The following AHNAK variants were observed in gnomAD, a reference collection of about 807,000 sequenced individuals.
The protein encoded by AHNAK is AHNAK nucleoprotein.
Under a neutral mutation model 37.8 loss-of-function variants are expected in AHNAK, and 23 were observed. That is an observed-to-expected ratio of 0.61 (90% CI 0.44 to 0.86). AHNAK has a LOEUF of 0.86. AHNAK is among the 40% of genes least tolerant of loss of function. The pLI is 0.00. For missense variants in AHNAK, 7,411 were observed against 7,319.4 expected, an observed-to-expected ratio of 1.01 and a Z score of -0.46; for synonymous variants, 2,481 against 2,636.3, an observed-to-expected ratio of 0.94 and a Z score of 1.80.
At chr11:62,535,312 G>T (rs1404339225) in intron 3 of AHNAK, 122 bp from the exon 4 acceptor site, 9 of 864,424 alleles carry the variant, frequency 1.0e-5, no homozygotes, top group Admixed American at 2.6e-5. Context: ...GGTGGGCATG[G>T]TAATACCCAT....
chr11:62,520,964 C>G lies in AHNAK; in HGVS notation c.13453G>C (p.Glu4485Gln). The G allele has an allele frequency of 2.5e-6, 4 of 1,614,160 alleles. No homozygotes were observed. The highest frequency in any genetic ancestry group is 3.4e-6 in the Non-Finnish European group (4 of 1,180,034). ...ACCTCTGGCCCTTTCAGATCACTTT[C>G]CACCTTAGGTAGTGAAACATCCACA... ...GDVDVSLPKV[E>Q]SDLKGPEVDI... The change falls in exon 5 of 5, where the codon GAA becomes CAA. Residue 4485 changes from glutamate to glutamine, a missense_variant. Glu to Gln is a conservative substitution (Grantham distance 29). Coordinates refer to ENST00000378024, the MANE Select transcript of AHNAK (RefSeq NM_001620.3).
At chr11:62,489,120 A>T (rs1279617023) in intron 5 of AHNAK, among the ~76,000 whole-genome samples, 1 of 152,050 alleles carries the variant, frequency 6.6e-6, no homozygotes, top group East Asian at 1.9e-4. Context: ...GCATGCCTGT[A>T]ATCCCAATTA....
chr11:62,517,859 C>T lies in AHNAK; in HGVS notation c.16558G>A (p.Gly5520Arg), dbSNP rs1565222871. Residue 5520 changes from glycine to arginine, a missense_variant, in exon 5 of 5, where the codon GGG becomes AGG. By Grantham distance (125) the Gly-to-Arg change is moderately radical (BLOSUM62 -2). Coordinates refer to ENST00000378024, the MANE Select transcript of AHNAK (RefSeq NM_001620.3). ...NVKLPTGQIS[G>R]PEIKGGLKGS... ...TTCAGACCACCTTTGATTTCAGGCC[C>T]AGAAATCTGCCCAGTTGGGAGTTTC... The T allele has an allele frequency of 6.2e-7, 1 of 1,614,172 alleles. No individual in the cohort carries two copies. The highest frequency in any genetic ancestry group is 2.2e-5 in the East Asian group (1 of 44,882).
chr11:62,475,623 T>TTTTTAA, intron 5 of AHNAK, among the ~76,000 whole-genome samples: 1 of 140,438 alleles, frequency 7.1e-6, no homozygotes, highest in Non-Finnish European at 1.6e-5. Context: ...TTTTTTTTTT[T>TTTTTAA]AGACAGAGTC....
chr11:62,530,412 T>C lies in AHNAK; in HGVS notation c.4005A>G (p.Pro1335=), dbSNP rs1940691051. 1 of 1,613,900 alleles carries C rather than the reference T, an allele frequency of 6.2e-7. No individual in the cohort carries two copies. The highest frequency in any genetic ancestry group is 8.5e-7 in the Non-Finnish European group (1 of 1,179,994). Residue 1335 remains proline, a synonymous_variant, in exon 5 of 5, where the codon CCA becomes CCG. Coordinates refer to ENST00000378024, the MANE Select transcript of AHNAK (RefSeq NM_001620.3). ...ACACATCCACATCTCCCTTCAATTT[T>C]GGCCCCTTAAGATTCAGGTCCACAT... ...MPDVDLNLKG[P]KLKGDVDVSL...
chr11:62,459,669 G>A (rs149811985), intron 5 of AHNAK, among the ~76,000 whole-genome samples: 83 of 152,268 alleles, frequency 5.5e-4, no homozygotes, highest in Non-Finnish European at 9.0e-4. Flanking sequence ...GGCCAGATGC[G>A]TAGAATAGTC....
chr11:62,439,915 G>A (rs1032152527), intron 5 of AHNAK, among the ~76,000 whole-genome samples: 12 of 151,824 alleles, frequency 7.9e-5, no homozygotes, highest in Non-Finnish European at 1.2e-4. Flanking sequence ...TGATCCGCCC[G>A]CCTCCGCCTC....
Position 62,498,567 on chromosome 11 carries a change from C to T in AHNAK, c.343-6736G>A, listed in dbSNP as rs150340603. Among the ~76,000 whole-genome samples the T allele has an allele frequency of 5.2e-4, 75 of 144,990 alleles. No individual in the cohort carries two copies. In the East Asian group the frequency reaches 0.012, roughly 23 times the overall value. On this transcript the variant is annotated intron_variant, in intron 4 of 5. Transcript: ENST00000257247. Reference sequence around the variant, plus strand: ...TGAGGCCAGAAGTTTGAGAGCAGCACGTGAGCAACATAGTGAACCCAGACT... The same window carrying T: ...TGAGGCCAGAAGTTTGAGAGCAGCATGTGAGCAACATAGTGAACCCAGACT...
At chr11:62,440,803 G>T (rs1399701503) in intron 5 of AHNAK, among the ~76,000 whole-genome samples, 4 of 152,024 alleles carry the variant, frequency 2.6e-5, no homozygotes, top group African/African-American at 9.7e-5. Flanking sequence ...AATCTCCCAA[G>T]TTATAGTGGG....
Position 62,520,538 on chromosome 11 carries a change from C to T in AHNAK, c.13879G>A (p.Val4627Ile). 1.9e-6 allele frequency: 3 copies of T among 1,614,216 alleles called. No individual in the cohort carries two copies. Among genetic ancestry groups the T allele is most frequent in the Non-Finnish European group, 2.5e-6 (3 of 1,180,052 alleles). ...KVEGDLKGPE[V>I]DIRDPKVDID... ...TCCACTTTGGGGTCCCTGATGTCAA[C>T]TTCGGGGCCCTTGAGGTCGCCTTCC... Residue 4627 changes from valine (V) to isoleucine (I), a missense_variant, in exon 5 of 5, where the codon GTT becomes ATT. Coordinates refer to ENST00000378024, the MANE Select transcript of AHNAK (RefSeq NM_001620.3).
At chr11:62,456,652 G>C (rs1342895012) in intron 5 of AHNAK, among the ~76,000 whole-genome samples, 1 of 152,156 alleles carries the variant, frequency 6.6e-6, no homozygotes, top group African/African-American at 2.4e-5. Flanking sequence ...TAGAATCTCA[G>C]TGGTGGCATG....
rs998662264 is a variant in AHNAK at position 62,484,866 on chromosome 11, C to T, written c.442+6866G>A. ...GTGCAATTGCGTGATCTCAGCTCAC[C>T]ACAACCTCCGCCTCCCGGGTTCAGG... On this transcript the variant is annotated intron_variant, in intron 5 of 5. Transcript: ENST00000257247. 2.0e-5 allele frequency among the ~76,000 whole-genome samples: 3 copies of T among 152,262 alleles called. No homozygotes were observed. The East Asian group carries it at 5.8e-4, about 29-fold the overall frequency.
rs183743897 is a variant in AHNAK, at chr11:62,529,411, C to T, written c.5006G>A (p.Gly1669Glu). ...DLHLKGPKVK[G>E]DMDVSVPKVE... is the part of the protein sequence containing the mutation. ...CTTGGGCACAGACACATCCATATCC[C>T]CTTTGACTTTGGGGCCTTTCAAGTG... Residue 1669 changes from glycine to glutamate, a missense_variant, in exon 5 of 5, where the codon GGG becomes GAG. Coordinates refer to ENST00000378024, the MANE Select transcript of AHNAK (RefSeq NM_001620.3). 7.4e-6 allele frequency: 12 copies of T among 1,614,022 alleles called. No individual in the cohort carries two copies. The East Asian group carries it at 2.7e-4, about 36-fold the overall frequency.
At chr11:62,502,283 T>C (rs1939727344) in intron 4 of AHNAK, among the ~76,000 whole-genome samples, 1 of 152,248 alleles carries the variant, frequency 6.6e-6, no homozygotes, top group African/African-American at 2.4e-5. Context: ...TTTAGCTGAA[T>C]TCACACTCAG....
chr11:62,534,660 T>C (rs1940883914), intron 4 of AHNAK, among the ~76,000 whole-genome samples: 1 of 152,144 alleles, frequency 6.6e-6, no homozygotes, highest in Non-Finnish European at 1.5e-5. Context: ...AGAAAAATGG[T>C]GTCTGTGAGG....
At chr11:62,500,348 G>GTA (rs1939690031) in intron 4 of AHNAK, among the ~76,000 whole-genome samples, 1 of 152,132 alleles carries the variant, frequency 6.6e-6, no homozygotes, top group Non-Finnish European at 1.5e-5. Flanking sequence ...TACTATAAAG[G>GTA]TACCTGGCTG....
At chr11:62,504,927 G>A (rs553964127) in intron 4 of AHNAK, among the ~76,000 whole-genome samples, 2 of 152,272 alleles carry the variant, frequency 1.3e-5, no homozygotes, top group South Asian at 4.1e-4. Context: ...ATAACCACGT[G>A]AGAGACCCAT....
chr11:62,458,080 A>ATT (rs34702491), intron 5 of AHNAK, among the ~76,000 whole-genome samples: 17 of 148,508 alleles, frequency 1.1e-4, no homozygotes, highest in African/African-American at 3.7e-4. Context: ...TGCCTGTCTA[A>ATT]TTTTTTTTTT....
rs775855997 is a variant in AHNAK, at chr11:62,531,309, A to G, written c.3108T>C (p.Thr1036=). 1.9e-6 allele frequency: 3 copies of G among 1,613,666 alleles called. No individual in the cohort carries two copies. The East Asian group carries it at 6.7e-5, about 36-fold the overall frequency. The change falls in exon 5 of 5, where the codon ACT becomes ACC. Residue 1036 remains threonine, a synonymous_variant. Coordinates refer to ENST00000378024, the MANE Select transcript of AHNAK (RefSeq NM_001620.3). ...CTTCAAGGCTCAGATCTGGAGCATTAGTATCTACTTTTGGTGCAGAAATGT... is the reference window on the plus strand; with the variant it reads ...CTTCAAGGCTCAGATCTGGAGCATTGGTATCTACTTTTGGTGCAGAAATGT... The part of the protein sequence containing the change: ...NVDISAPKVD[T]NAPDLSLEGP...
Sources: gnomAD v4.1 joint callset for allele counts (sites outside exome capture counted in the v4.1 genomes callset) on GRCh38, gnomAD v4.1.1 for gene constraint, MANE v1.5 for transcripts, NCBI Gene and HGNC (gene_info 2026-07-23, HGNC 2026-07-21) for gene names.